Variants in CACNA2D1 observed in about 807,000 individuals in gnomAD.
CACNA2D1 encodes voltage-dependent calcium channel subunit alpha-2/delta-1.
Under a neutral mutation model 171.5 loss-of-function variants are expected in CACNA2D1, and 53 were observed. That is an observed-to-expected ratio of 0.31 (90% CI 0.25 to 0.39). The LOEUF is 0.39. Ranked by LOEUF, CACNA2D1 falls within the 10% of genes least tolerant of loss-of-function variation. CACNA2D1 has a pLI of 1.00. For missense variants in CACNA2D1, 903 were observed against 1,299.8 expected (o/e 0.69, Z 4.69); for synonymous variants, 442 against 443.1 (o/e 1.00, Z 0.03).
chr7:82,026,997 A>T (rs1233929058), intron 12 of CACNA2D1, among the ~76,000 whole-genome samples: 1 of 151,696 alleles, frequency 6.6e-6, no homozygotes, highest in Non-Finnish European at 1.5e-5. Flanking sequence ...GGATCTAAAG[A>T]TCAAAGTAAT....
chr7:82,423,248 G>C (rs974300875), intron 1 of CACNA2D1, among the ~76,000 whole-genome samples: 1 of 151,970 alleles, frequency 6.6e-6, no homozygotes, highest in Non-Finnish European at 1.5e-5. Context: ...AACGTAGAGA[G>C]AACTCAACCT....
chr7:82,078,953 A>G (rs767571304), intron 7 of CACNA2D1, among the ~76,000 whole-genome samples: 4 of 152,310 alleles, frequency 2.6e-5, no homozygotes, highest in Admixed American at 1.3e-4. Flanking sequence ...ACAGACACCA[A>G]TGATTTTCTT....
chr7:82,433,842 A>C (rs1829909740), intron 1 of CACNA2D1, among the ~76,000 whole-genome samples: 1 of 152,200 alleles, frequency 6.6e-6, no homozygotes, highest in South Asian at 2.1e-4. Context: ...TCCTAAGAAG[A>C]CTGGACCAGA....
rs148867788 is a variant in CACNA2D1, at chr7:82,186,877, G to A, written c.295-16268C>T. On this transcript the variant is annotated intron_variant, in intron 3 of 38. Transcript: ENST00000356860. ...TCCACTCATTACATATAATCTCTAA[G>A]CCATACCTTCTTCTAAAAAATAACG... Among the ~76,000 whole-genome samples the A allele has an allele frequency of 1.5e-4, 23 of 152,168 alleles. No individual in the cohort carries two copies. The East Asian group carries it at 4.5e-3, about 29-fold the overall frequency.
intron 3 of CACNA2D1, among the ~76,000 whole-genome samples, chr7:82,275,138 C>T (rs927948418): frequency 7.2e-5 from 11 of 152,030 alleles, no homozygotes; most frequent in South Asian, 4.1e-4. Context: ...GCCAGCTATC[C>T]GGTGATGCCA....
At chr7:82,098,326 C>T (rs1388209617) in intron 6 of CACNA2D1, among the ~76,000 whole-genome samples, 1 of 152,004 alleles carries the variant, frequency 6.6e-6, no homozygotes, top group Non-Finnish European at 1.5e-5. Context: ...AATAAATGTA[C>T]TGATTATAAA....
chr7:82,051,366 C>T (rs537596978), intron 10 of CACNA2D1, among the ~76,000 whole-genome samples: 3 of 151,966 alleles, frequency 2.0e-5, no homozygotes, highest in African/African-American at 7.3e-5. Context: ...ACTTCTAGGA[C>T]TGCTGCTTAG....
At chr7:82,371,735 C>G (rs193299665) in intron 1 of CACNA2D1, among the ~76,000 whole-genome samples, 2 of 152,160 alleles carry the variant, frequency 1.3e-5, no homozygotes, top group Admixed American at 1.3e-4. Context: ...CCACCATCCC[C>G]GGCTATTTTT....
At chr7:82,126,862 C>A (rs1045107572) in intron 5 of CACNA2D1, among the ~76,000 whole-genome samples, 1 of 152,332 alleles carries the variant, frequency 6.6e-6, no homozygotes, top group African/African-American at 2.4e-5. Context: ...TCAGCTGCAA[C>A]ACCCAAATAA....
chr7:81,982,673 T>A (rs769886414), intron 23 of CACNA2D1, 46 bp from the exon 24 acceptor site: 3 of 1,118,534 alleles, frequency 2.7e-6, no homozygotes, highest in Non-Finnish European at 4.1e-6. Flanking sequence ...TCAGAGTATA[T>A]ATCCAGAGAT....
chr7:82,150,845 C>T (rs569366133), intron 4 of CACNA2D1, among the ~76,000 whole-genome samples: 5 of 152,106 alleles, frequency 3.3e-5, no homozygotes, highest in African/African-American at 1.2e-4. Context: ...GAAAGGAAGG[C>T]TGTTGCAGAA....
chr7:82,368,264 T>C (rs897521714), intron 1 of CACNA2D1, among the ~76,000 whole-genome samples: 2 of 152,212 alleles, frequency 1.3e-5, no homozygotes, highest in Non-Finnish European at 2.9e-5. Context: ...AATTCAAGTA[T>C]TGGCACTAGA....
intron 1 of CACNA2D1, among the ~76,000 whole-genome samples, chr7:82,424,864 T>C (rs1829035296): frequency 6.6e-6 from 1 of 152,198 alleles, no homozygotes; most frequent in Non-Finnish European, 1.5e-5. Context: ...ATTTCCCAAA[T>C]CTGTGAGCAC....
chr7:82,210,614 T>C (rs2129224165), intron 3 of CACNA2D1, among the ~76,000 whole-genome samples: 1 of 152,296 alleles, frequency 6.6e-6, no homozygotes, highest in South Asian at 2.1e-4. Context: ...ACAACCAGAC[T>C]CCTTCATTTG....
intron 3 of CACNA2D1, among the ~76,000 whole-genome samples, chr7:82,252,834 G>A (rs1325195602): frequency 1.3e-5 from 2 of 151,902 alleles, no homozygotes; most frequent in African/African-American, 4.8e-5. Flanking sequence ...AGGTTGCAGT[G>A]AGCCAAGATC....
At chr7:82,146,474 TTA>T (rs1404637891) in intron 4 of CACNA2D1, among the ~76,000 whole-genome samples, 12 of 145,382 alleles carry the variant, frequency 8.3e-5, no homozygotes, top group Non-Finnish European at 1.5e-4. Context: ...ATATATATCT[TTA>T]TATATACATA....
chr7:82,001,354 A>G (rs1445106413), intron 18 of CACNA2D1, among the ~76,000 whole-genome samples: 1 of 152,218 alleles, frequency 6.6e-6, no homozygotes, highest in Non-Finnish European at 1.5e-5. Context: ...TGAATTTGAC[A>G]TTAATTTTAC....
intron 3 of CACNA2D1, among the ~76,000 whole-genome samples, chr7:82,187,132 A>G (rs1797863658): frequency 6.6e-6 from 1 of 152,196 alleles, no homozygotes; most frequent in Non-Finnish European, 1.5e-5. Flanking sequence ...TCAGTCATAT[A>G]AAATCTGGCA....
intron 3 of CACNA2D1, among the ~76,000 whole-genome samples, chr7:82,248,303 C>G (rs1281951767): frequency 6.6e-6 from 1 of 152,116 alleles, no homozygotes; most frequent in Non-Finnish European, 1.5e-5. Flanking sequence ...GTTCTTTTCC[C>G]TAGGCCCTCT....
Sources: gnomAD v4.1 joint callset for allele counts (sites outside exome capture counted in the v4.1 genomes callset) on GRCh38, gnomAD v4.1.1 for gene constraint, MANE v1.5 for transcripts, NCBI Gene and HGNC (gene_info 2026-07-23, HGNC 2026-07-21) for gene names.